MYOM1: variants seen among roughly 807,000 people sequenced by gnomAD.
The protein encoded by MYOM1 is myomesin-1.
In MYOM1, 164 loss-of-function variants were observed where a neutral mutation model predicts 205.3. That is an observed-to-expected ratio of 0.80 (90% CI 0.70 to 0.91). The LOEUF is 0.91. MYOM1 is among the 40% of genes least tolerant of loss of function. MYOM1 has a pLI of 0.00. For missense variants in MYOM1, 2,011 were observed against 2,127.3 expected (o/e 0.95, Z 1.08); for synonymous variants, 772 against 789.4 (o/e 0.98, Z 0.37).
intron 14 of MYOM1, among the ~76,000 whole-genome samples, chr18:3,139,267 C>T (rs546742867): frequency 6.6e-6 from 1 of 152,296 alleles, no homozygotes; most frequent in Admixed American, 6.5e-5. Context: ...GTGATACAGT[C>T]CTTGTCTCTG....
At chr18:3,119,364 G>A (rs564037671) in intron 20 of MYOM1, among the ~76,000 whole-genome samples, 6 of 152,276 alleles carry the variant, frequency 3.9e-5, no homozygotes, top group South Asian at 4.2e-4. Context: ...CTGGGAGGAG[G>A]GAGAAGGAGA....
the MYOM1 span, among the ~76,000 whole-genome samples, chr18:3,243,256 C>T: frequency 6.6e-5 from 10 of 152,250 alleles, no homozygotes; most frequent in Non-Finnish European, 1.3e-4. Context: ...AGGATTAATG[C>T]TAATTGTTAC....
At chr18:3,230,066 T>C in the MYOM1 span, among the ~76,000 whole-genome samples, 1 of 151,850 alleles carries the variant, frequency 6.6e-6, no homozygotes, top group East Asian at 1.9e-4. Flanking sequence ...GCTGAGCATG[T>C]CCTTAAATGT....
intron 25 of MYOM1, among the ~76,000 whole-genome samples, chr18:3,095,909 G>A (rs537962154): frequency 3.9e-5 from 6 of 152,198 alleles, no homozygotes; most frequent in Non-Finnish European, 5.9e-5. Context: ...GTCTTGAGGA[G>A]AGTAGAAAGC....
intron 5 of MYOM1, among the ~76,000 whole-genome samples, chr18:3,177,039 G>A (rs776406607): frequency 1.4e-4 from 21 of 152,074 alleles, no homozygotes; most frequent in Non-Finnish European, 2.8e-4. Flanking sequence ...TTGAGGCCAG[G>A]AGTTTGTGAC....
chr18:3,160,024 C>T (rs1567941726), intron 10 of MYOM1, among the ~76,000 whole-genome samples: 1 of 149,790 alleles, frequency 6.7e-6, no homozygotes, highest in Non-Finnish European at 1.5e-5. Context: ...TTCTTCTTCT[C>T]CTTCTCCTCT....
chr18:3,211,995 G>C (rs1306336561), intron 2 of MYOM1, among the ~76,000 whole-genome samples: 1 of 152,134 alleles, frequency 6.6e-6, no homozygotes, highest in Non-Finnish European at 1.5e-5. Flanking sequence ...GCTTCATTTT[G>C]AGCAAGCTAA....
intron 2 of MYOM1, among the ~76,000 whole-genome samples, chr18:3,198,368 T>C (rs2081020040): frequency 6.6e-6 from 1 of 152,196 alleles, no homozygotes; most frequent in African/African-American, 2.4e-5. Flanking sequence ...GCATTATTGG[T>C]TTCTCTGTCT....
chr18:3,083,795 G>A lies in MYOM1; in HGVS notation c.4478C>T (p.Ser1493Phe). The A allele has an allele frequency of 6.4e-7, 1 of 1,566,516 alleles. No individual in the cohort carries two copies. The highest frequency in any genetic ancestry group is 8.7e-7 in the Non-Finnish European group (1 of 1,154,322). ...TAAGTTCTCATTTACTTACTTGTGG[G>A]ACCAGTTAACTTTCAAATCCTCCAC... ...YYVEDLKVNW[S>F]HNGSAIRYSD... The change falls in exon 33 of 38, where the codon TCC becomes TTC. Residue 1493 changes from serine to phenylalanine, a missense_variant. Physicochemically the swap from Ser to Phe is radical, Grantham distance 155. Transcript: ENST00000356443.
Position 3,066,988 on chromosome 18 carries a change from A to G in MYOM1, c.*274T>C. Reference sequence around the variant, plus strand: ...TCGTCTGCCCTCTGACCATCATTCAATGTCCCTCCAACTTCATTCAAGTCT... The same window carrying G: ...TCGTCTGCCCTCTGACCATCATTCAGTGTCCCTCCAACTTCATTCAAGTCT... On this transcript the variant is annotated 3_prime_UTR_variant, in exon 38 of 38. Coordinates refer to ENST00000356443, the MANE Select transcript of MYOM1 (RefSeq NM_003803.4). 1 of 411,440 alleles carries G rather than the reference A, an allele frequency of 2.4e-6. No individual in the cohort carries two copies. The highest frequency in any genetic ancestry group is 4.5e-6 in the Non-Finnish European group (1 of 224,132). 25.5% of individuals were successfully genotyped at this position (411,440 alleles called of 1,614,324 possible).
At chr18:3,159,419 T>C (rs2080349292) in intron 10 of MYOM1, among the ~76,000 whole-genome samples, 1 of 152,192 alleles carries the variant, frequency 6.6e-6, no homozygotes, top group African/African-American at 2.4e-5. Flanking sequence ...TACAAAGTTT[T>C]TTTAAAAATA....
chr18:3,219,972 T>TGTCA (rs2081312802), upstream of MYOM1: 1 of 152,206 alleles, frequency 6.6e-6, no homozygotes, highest in Non-Finnish European at 1.5e-5. This position sits in a 1 kb window ranked among gnomAD's most constrained non-coding sequence, Gnocchi z 4.4. Context: ...GGCAGTCGAA[T>TGTCA]GTCAGGCCAC....
chr18:3,205,225 A>T (rs1390825454), intron 2 of MYOM1, among the ~76,000 whole-genome samples: 6 of 152,148 alleles, frequency 3.9e-5, no homozygotes, highest in African/African-American at 1.4e-4. Flanking sequence ...TGTTGAACTG[A>T]ACTTCATCAA....
At position 3,120,098 on chromosome 18, in the gene MYOM1, C is replaced by G; in HGVS notation, c.2992-103G>C. On this transcript the variant is annotated intron_variant, in intron 19 of 37. Transcript: ENST00000356443. ...ATTTACCTTCCATGTCAGACACACC[C>G]TAGGGTGACCCTCAATGAGTCACAC... The G allele has an allele frequency of 4.2e-6, 6 of 1,435,012 alleles. No individual in the cohort carries two copies. In the Admixed American group the frequency reaches 1.2e-4, roughly 30 times the overall value. 88.9% of individuals were successfully genotyped at this position (1,435,012 alleles called of 1,614,324 possible).
At position 3,191,888 on chromosome 18, in the gene MYOM1, G is replaced by A. The variant is rs192298642; in HGVS notation, c.431+1930C>T. ...TTTTTTTGTATTTTTAGTAGAGACC[G>A]GGTTTCACCGTGTTAGCCAGGATGG... On this transcript the variant is annotated intron_variant, in intron 3 of 37. Transcript: ENST00000356443. Among the ~76,000 whole-genome samples, 71 of 152,096 alleles carry A rather than the reference G, an allele frequency of 4.7e-4. No individual in the cohort carries two copies. The East Asian group carries it at 0.012, about 25-fold the overall frequency.
At position 3,067,534 on chromosome 18, in the gene MYOM1, C is replaced by T. The variant is rs375965840; in HGVS notation, c.4786G>A (p.Val1596Met). 140 of 1,613,696 alleles carry T rather than the reference C, an allele frequency of 8.7e-5. 2 individuals carry two copies. In the South Asian group the frequency reaches 1.2e-3, roughly 14 times the overall value. Residue 1596 changes from valine (V) to methionine (M), a missense_variant, in exon 38 of 38, where the codon GTG (valine) becomes ATG (methionine). Transcript: ENST00000356443. The part of the protein sequence containing the change: ...EGKALNLTCN[V>M]WGDPPPEVSW... ...ACCTCCGGAGGCGGGTCTCCCCACA[C>T]GTTGCAAGTGAGATTAAGGGCCTGC...
At chr18:3,247,368 A>C in the MYOM1 span, 1 of 152,306 alleles carries the variant, frequency 6.6e-6, no homozygotes, top group Non-Finnish European at 1.5e-5. Flanking sequence ...CGTCAAGCGC[A>C]GGCGCACTAC....
At chr18:3,111,715 A>G (rs926282264) in intron 22 of MYOM1, among the ~76,000 whole-genome samples, 2 of 152,236 alleles carry the variant, frequency 1.3e-5, no homozygotes, top group African/African-American at 4.8e-5. Flanking sequence ...AAGTTTTATT[A>G]GAACACAGCC....
intron 23 of MYOM1, among the ~76,000 whole-genome samples, chr18:3,101,378 T>TAA: frequency 6.6e-6 from 1 of 152,294 alleles, no homozygotes; most frequent in Non-Finnish European, 1.5e-5. Context: ...TAAAGCAAAG[T>TAA]AAAAAGAATA....
Sources: allele counts gnomAD v4.1 joint callset (sites outside exome capture counted in the v4.1 genomes callset), GRCh38; gene constraint gnomAD v4.1.1; non-coding constraint Gnocchi (gnomAD v3.1); transcripts MANE v1.5; gene names NCBI Gene and HGNC (gene_info 2026-07-23, HGNC 2026-07-21).